DGKG: variants seen among roughly 807,000 people sequenced by gnomAD.
DGKG encodes DAG kinase gamma.
DGKG carries 78 observed loss-of-function variants against 105.3 expected under a neutral mutation model. The observed-to-expected ratio is 0.74, with a 90% CI of 0.62 to 0.89. DGKG has a LOEUF of 0.89. Among genes scored for constraint, DGKG ranks in the 40% least tolerant of loss-of-function variants. DGKG has a pLI of 0.00. For synonymous variants in DGKG, 346 were observed against 367.1 expected (o/e 0.94, Z 0.66); for missense variants, 958 against 1,020.1 (o/e 0.94, Z 0.83).
intron 22 of DGKG, among the ~76,000 whole-genome samples, chr3:186,166,627 A>ATGTGTGTG (rs5855082): frequency 2.8e-4 from 42 of 149,914 alleles, no homozygotes; most frequent in African/African-American, 9.8e-4. Context: ...TGGGCTATAA[A>ATGTGTGTG]TGTGTGTGTG....
At chr3:186,310,279 A>AAAAAAAAAAAC (rs1560148117) in intron 2 of DGKG, among the ~76,000 whole-genome samples, 2 of 149,032 alleles carry the variant, frequency 1.3e-5, no homozygotes, top group African/African-American at 2.4e-5. Flanking sequence ...AAAAAAAAAA[A>AAAAAAAAAAAC]AAAAAAAAAA....
chr3:186,249,334 G>C (rs1256915288), intron 19 of DGKG, among the ~76,000 whole-genome samples: 3 of 152,176 alleles, frequency 2.0e-5, no homozygotes, highest in Non-Finnish European at 4.4e-5. Flanking sequence ...TTCTGCTTTA[G>C]TAATAGAAAA....
In DGKG at chr3:186,268,856, C is replaced by T. The variant is rs751058271; in HGVS notation, c.1061G>A (p.Ser354Asn). 9 of 1,613,992 alleles carry T rather than the reference C, an allele frequency of 5.6e-6. No individual in the cohort carries two copies. Among genetic ancestry groups the T allele is most frequent in the African/African-American group, 1.3e-5 (1 of 74,936 alleles). ...SSVKCDRCHK[S>N]IKCYQSVTAR... Reference sequence around the variant, plus strand: ...GGTGACACTCTGGTAGCACTTGATACTTTTGTGGCACCGGTCACACTTGAC... The same window carrying T: ...GGTGACACTCTGGTAGCACTTGATATTTTTGTGGCACCGGTCACACTTGAC... Residue 354 changes from serine (S) to asparagine (N), a missense_variant, in exon 12 of 25, where the codon AGT becomes AAT. Transcript: ENST00000265022.
chr3:186,324,944 T>G (rs1725263744), intron 1 of DGKG, among the ~76,000 whole-genome samples: 1 of 152,266 alleles, frequency 6.6e-6, no homozygotes, highest in East Asian at 1.9e-4. Flanking sequence ...AACCTGGATT[T>G]ATCCAATTTA....
intron 5 of DGKG, among the ~76,000 whole-genome samples, chr3:186,291,037 G>A (rs1330792471): frequency 6.6e-6 from 1 of 152,104 alleles, no homozygotes; most frequent in African/African-American, 2.4e-5. Flanking sequence ...TGCCTTTCTG[G>A]TCCTGTCCAG....
chr3:186,302,555 TATAC>T (rs1286929006), intron 3 of DGKG, among the ~76,000 whole-genome samples: 2,101 of 32,854 alleles, frequency 0.064, 97 homozygotes, highest in African/African-American at 0.18. Context: ...TATATATATA[TATAC>T]ACATATGTAT....
At chr3:186,329,026 C>T (rs1359674369) in intron 1 of DGKG, among the ~76,000 whole-genome samples, 1 of 152,166 alleles carries the variant, frequency 6.6e-6, no homozygotes, top group Non-Finnish European at 1.5e-5. Context: ...TTCTCTAGCT[C>T]ACGAAGCTCG....
intron 2 of DGKG, among the ~76,000 whole-genome samples, chr3:186,313,968 A>G (rs1277398819): frequency 1.3e-5 from 2 of 152,118 alleles, no homozygotes; most frequent in African/African-American, 4.8e-5. Flanking sequence ...AGAGCCTTCT[A>G]TGGTTCTACA....
chr3:186,269,900 C>T (rs1433013749), intron 11 of DGKG, among the ~76,000 whole-genome samples: 5 of 152,126 alleles, frequency 3.3e-5, no homozygotes, highest in African/African-American at 4.8e-5. Flanking sequence ...GAGCAGCTGG[C>T]TAGTAGCCCC....
At chr3:186,167,760 T>TTCACTCACTCAC (rs56211107) in intron 22 of DGKG, among the ~76,000 whole-genome samples, 28 of 150,720 alleles carry the variant, frequency 1.9e-4, no homozygotes, top group South Asian at 8.4e-4. Flanking sequence ...AAAACAGGAA[T>TTCACTCACTCAC]TCACTCACTC....
intron 3 of DGKG, among the ~76,000 whole-genome samples, chr3:186,300,457 A>C (rs974127180): frequency 1.3e-5 from 2 of 152,162 alleles, no homozygotes; most frequent in Admixed American, 6.5e-5. Context: ...GCCTCTCTGC[A>C]ACATTTCATC....
At chr3:186,188,067 G>A in intron 22 of DGKG, 135 bp downstream of exon 22, 1 of 1,040,630 alleles carries the variant, frequency 9.6e-7, no homozygotes, top group Non-Finnish European at 1.4e-6. Context: ...TGCAACATCG[G>A]ATGACGAGTC....
intron 5 of DGKG, among the ~76,000 whole-genome samples, chr3:186,295,114 C>G (rs1723486400): frequency 6.6e-6 from 1 of 152,186 alleles, no homozygotes; most frequent in Non-Finnish European, 1.5e-5. Context: ...AAGATTAGAA[C>G]TACATTGAAG....
chr3:186,166,077 T>G (rs749782368), intron 22 of DGKG, among the ~76,000 whole-genome samples: 1 of 152,228 alleles, frequency 6.6e-6, no homozygotes, highest in Non-Finnish European at 1.5e-5. Flanking sequence ...AGTGTTAAGA[T>G]TGGCAAGGAG....
rs554511445 is a variant in DGKG, at chr3:186,236,211, T to TTGTC, written c.1826+6292_1826+6293insGACA. Among the ~76,000 whole-genome samples, 50 of 152,258 alleles carry TTGTC rather than the reference T, an allele frequency of 3.3e-4. 1 individual carries two copies. The South Asian group carries it at 0.01, about 31-fold the overall frequency. On this transcript the variant is annotated intron_variant, in intron 20 of 24. Coordinates refer to ENST00000265022, the MANE Select transcript of DGKG (RefSeq NM_001346.3). ...CAGATTCAATGCATCACTGCTGGGG[T>TTGTC]CTCCTCCAACTTTTAGTTGTCCTCC...
intron 20 of DGKG, among the ~76,000 whole-genome samples, chr3:186,234,210 A>G (rs189218611): frequency 2.6e-5 from 4 of 152,360 alleles, no homozygotes; most frequent in African/African-American, 9.6e-5. Flanking sequence ...TTTGAGGCCA[A>G]TGATCACTTC....
chr3:186,314,154 A>C (rs898190205), intron 2 of DGKG, among the ~76,000 whole-genome samples: 2 of 149,486 alleles, frequency 1.3e-5, no homozygotes, highest in African/African-American at 4.9e-5. Context: ...AATGTAATTT[A>C]ATTGACATAT....
chr3:186,312,847 G>C (rs988269859), intron 2 of DGKG, among the ~76,000 whole-genome samples: 2 of 152,226 alleles, frequency 1.3e-5, no homozygotes, highest in African/African-American at 4.8e-5. Flanking sequence ...TCAGGCCTCA[G>C]AGCAGCACGT....
intron 21 of DGKG, among the ~76,000 whole-genome samples, chr3:186,207,912 T>G (rs986162167): frequency 6.6e-6 from 1 of 152,240 alleles, no homozygotes; most frequent in Non-Finnish European, 1.5e-5. Flanking sequence ...GTTTCTCTTT[T>G]GTCCAGTTGG....
Sources: allele counts gnomAD v4.1 joint callset (sites outside exome capture counted in the v4.1 genomes callset), GRCh38; gene constraint gnomAD v4.1.1; transcripts MANE v1.5; gene names NCBI Gene and HGNC (gene_info 2026-07-23, HGNC 2026-07-21).